PREX2: variants seen among roughly 807,000 people sequenced by gnomAD.
PREX2 encodes phosphatidylinositol 3,4,5-trisphosphate-dependent Rac exchanger 2 protein.
PREX2 carries 107 observed loss-of-function variants against 203.2 expected under a neutral mutation model. The observed-to-expected ratio is 0.53, with a 90% CI of 0.45 to 0.62. The LOEUF (loss-of-function observed/expected upper bound fraction) is 0.62. PREX2 is among the 20% of genes least tolerant of loss of function. PREX2 has a pLI of 0.00. For synonymous variants in PREX2, 672 were observed against 663.6 expected, an observed-to-expected ratio of 1.01 and a Z score of -0.19; for missense variants, 1,777 against 1,955.9, an observed-to-expected ratio of 0.91 and a Z score of 1.72.
rs1813166370 is a variant in PREX2, at chr8:68,231,337, T to A, written c.4780T>A (p.Tyr1594Asn). Reference sequence around the variant, plus strand: ...ACTTTACCATGCCTTTTCTAGGCTGTACAAGCTGTGCGAGCCACCTCCCCC... The same window carrying A: ...ACTTTACCATGCCTTTTCTAGGCTGAACAAGCTGTGCGAGCCACCTCCCCC... ...DRTPQSAPRL[Y>N]KLCEPPPPAG... The change falls in exon 40 of 40, where the codon TAC (tyrosine) becomes AAC (asparagine). Residue 1594 changes from tyrosine to asparagine, a missense_variant. Tyr to Asn is a moderately radical substitution (Grantham distance 143, BLOSUM62 -2). Coordinates refer to ENST00000288368, the MANE Select transcript of PREX2 (RefSeq NM_024870.4). 1 of 1,597,450 alleles carries A rather than the reference T, an allele frequency of 6.3e-7. No individual in the cohort carries two copies.
chr8:68,139,049 A>T (rs1201600244), intron 33 of PREX2, among the ~76,000 whole-genome samples: 1 of 152,200 alleles, frequency 6.6e-6, no homozygotes, highest in African/African-American at 2.4e-5. Context: ...CTTCTTGCCA[A>T]GACTATTCTT....
chr8:68,069,119 C>A lies in PREX2; in HGVS notation c.1426C>A (p.Gln476Lys). ...AACATTTTATCCAAGAAATGAGATG[C>A]AGGACGTGATTTCAAAGGTAACGAC... The part of the protein sequence containing the change: ...DGTFYPRNEM[Q>K]DVISKGVRLY... Residue 476 changes from glutamine to lysine, a missense_variant, in exon 12 of 40, where the codon CAG becomes AAG. Coordinates refer to ENST00000288368, the MANE Select transcript of PREX2 (RefSeq NM_024870.4). 1 of 1,561,490 alleles carries A rather than the reference C, an allele frequency of 6.4e-7. No homozygotes were observed. The highest frequency in any genetic ancestry group is 8.7e-7 in the Non-Finnish European group (1 of 1,148,700).
Position 68,121,131 on chromosome 8 carries a change from C to T in PREX2, c.3724+82C>T. On this transcript the variant is annotated intron_variant, in intron 30 of 39. Coordinates refer to ENST00000288368, the MANE Select transcript of PREX2 (RefSeq NM_024870.4). ...CACTAAAACCAAAAGTTTGGTAATGCCTGATTATTTTTTGCAGTGTTTCCT... is the reference window on the plus strand; with the variant it reads ...CACTAAAACCAAAAGTTTGGTAATGTCTGATTATTTTTTGCAGTGTTTCCT... The T allele has an allele frequency of 5.0e-6, 7 of 1,402,270 alleles. No individual in the cohort carries two copies. The South Asian group carries it at 7.5e-5, about 15-fold the overall frequency. The allele number at this position is 1,402,270 out of a possible 1,614,324, so 86.9% of individuals were successfully genotyped here. A position where few individuals can be genotyped will look rare whatever the true frequency, so the allele number is the denominator to read the frequency against.
At chr8:68,193,349 C>A (rs921940928) in intron 37 of PREX2, among the ~76,000 whole-genome samples, 4 of 152,154 alleles carry the variant, frequency 2.6e-5, no homozygotes, top group African/African-American at 4.8e-5. Flanking sequence ...TTCTGGGGTA[C>A]ATGCACAGAA....
At chr8:68,055,002 G>A (rs1388769420) in intron 9 of PREX2, among the ~76,000 whole-genome samples, 2 of 152,142 alleles carry the variant, frequency 1.3e-5, no homozygotes, top group African/African-American at 4.8e-5. Flanking sequence ...TTTGCCCTAT[G>A]GCCCTACCCT....
At chr8:68,004,933 G>C (rs778386033) in intron 1 of PREX2, among the ~76,000 whole-genome samples, 27 of 152,120 alleles carry the variant, frequency 1.8e-4, no homozygotes, top group South Asian at 6.2e-4. Flanking sequence ...TGAAGTAACA[G>C]GAAATGGAAG....
At chr8:68,080,649 A>G in intron 16 of PREX2, 64 bp downstream of exon 16, 4 of 1,480,618 alleles carry the variant, frequency 2.7e-6, no homozygotes, top group Non-Finnish European at 3.7e-6. Context: ...AGACTGCGTT[A>G]AACATGTTTG....
rs200224281 is a variant in PREX2, at chr8:68,060,679, C to T, written c.1239C>T (p.Ser413=). ...CTTTTTCACTGACTTTCTCTTGCAG[C>T]GAATTTGTGTCATGGCTGTTGGAAA... ...LTTFPKCFLG[S]EFVSWLLEIG... is the part of the protein sequence containing the mutation. The change falls in exon 11 of 40, where the codon AGC becomes AGT. Residue 413 remains serine, a splice_region_variant and synonymous_variant. Transcript: ENST00000288368. 3.1e-5 allele frequency: 50 copies of T among 1,607,018 alleles called. No homozygotes were observed. The highest frequency in any genetic ancestry group is 4.5e-5 in the East Asian group (2 of 44,576).
chr8:67,981,936 G>C (rs1330059907), intron 1 of PREX2, among the ~76,000 whole-genome samples: 3 of 152,318 alleles, frequency 2.0e-5, no homozygotes, highest in East Asian at 3.9e-4. Flanking sequence ...GTTAGTGCCT[G>C]ATGCTCAGCT....
At chr8:67,980,992 G>C (rs1314290465) in intron 1 of PREX2, among the ~76,000 whole-genome samples, 1 of 152,188 alleles carries the variant, frequency 6.6e-6, no homozygotes, top group Non-Finnish European at 1.5e-5. Flanking sequence ...ACAACCTGGT[G>C]TAAGTAATCT....
At chr8:68,064,937 T>C (rs1808972796) in intron 11 of PREX2, among the ~76,000 whole-genome samples, 1 of 152,172 alleles carries the variant, frequency 6.6e-6, no homozygotes, top group East Asian at 1.9e-4. Flanking sequence ...CTTCACCACC[T>C]AGAGAGCCAG....
chr8:68,000,053 C>A (rs1032859922), intron 1 of PREX2, among the ~76,000 whole-genome samples: 2 of 152,146 alleles, frequency 1.3e-5, no homozygotes, highest in Non-Finnish European at 2.9e-5. Context: ...TGAAAACTGG[C>A]ACAAGACAAG....
intron 35 of PREX2, among the ~76,000 whole-genome samples, chr8:68,163,183 G>T (rs1811687355): frequency 6.6e-6 from 1 of 152,110 alleles, no homozygotes; most frequent in South Asian, 2.1e-4. Context: ...AAAAATACAG[G>T]CAGTCATAAA....
intron 9 of PREX2, among the ~76,000 whole-genome samples, chr8:68,053,564 C>T (rs543356924): frequency 6.6e-6 from 1 of 152,088 alleles, no homozygotes; most frequent in East Asian, 1.9e-4. Context: ...AAAATTTGTT[C>T]AATTTTCTTT....
chr8:68,161,107 G>T lies in PREX2; in HGVS notation c.4346+3671G>T, dbSNP rs531226244. Among the ~76,000 whole-genome samples, 599 of 141,304 alleles carry T rather than the reference G, an allele frequency of 4.2e-3. 7 individuals carry two copies. Among genetic ancestry groups the T allele is most frequent in the African/African-American group, 0.015 (569 of 38,230 alleles). The allele number at this position is 141,304 out of a possible 152,430, so 92.7% of individuals were successfully genotyped here. A position where few individuals can be genotyped will look rare whatever the true frequency, so the allele number is the denominator to read the frequency against. On this transcript the variant is annotated intron_variant, in intron 35 of 39. Transcript: ENST00000288368. ...TTTCTTTCTTTCTTTCTTTTTTTTT[G>T]GGGGGGGGACAGAGTCTCCCTTTGT...
At chr8:68,105,303 T>C (rs746752638) in intron 23 of PREX2, 5 of 1,367,662 alleles carry the variant, frequency 3.7e-6, no homozygotes, top group Non-Finnish European at 4.9e-6. Context: ...AAGACAGCAC[T>C]GCATTCCTGA....
rs1399651250 is a variant in PREX2, at chr8:68,232,213, T to C, written c.*835T>C. The C allele has an allele frequency of 2.0e-5, 3 of 152,170 alleles. No homozygotes were observed. Among genetic ancestry groups the C allele is most frequent in the African/African-American group, 4.8e-5 (2 of 41,448 alleles). The allele number at this position is 152,170 out of a possible 1,614,324, so 9.4% of individuals were successfully genotyped here. ...GAAGAAGGGGACTGTAAGCCTATTT[T>C]AAAACTAAACCTTTAAGTTAGATAC... On this transcript the variant is annotated 3_prime_UTR_variant, in exon 40 of 40. Transcript: ENST00000288368.
chr8:68,015,190 T>A (rs1807378496), intron 1 of PREX2, among the ~76,000 whole-genome samples: 2 of 152,212 alleles, frequency 1.3e-5, no homozygotes, highest in Admixed American at 1.3e-4. Flanking sequence ...AGATGCTGGT[T>A]GTTAAAGGAT....
intron 31 of PREX2, among the ~76,000 whole-genome samples, chr8:68,132,104 A>C (rs1811021338): frequency 6.6e-6 from 1 of 152,166 alleles, no homozygotes. Flanking sequence ...AGTAAAATTA[A>C]ATCCAGATAT....
Sources: allele counts gnomAD v4.1 joint callset (sites outside exome capture counted in the v4.1 genomes callset), GRCh38; gene constraint gnomAD v4.1.1; transcripts MANE v1.5; gene names NCBI Gene and HGNC (gene_info 2026-07-23, HGNC 2026-07-21).